Variants in ATCAY observed in about 807,000 individuals in gnomAD.
ATCAY encodes caytaxin.
Under a neutral mutation model 47.7 loss-of-function variants are expected in ATCAY, and 22 were observed. That is an observed-to-expected ratio of 0.46 (90% CI 0.33 to 0.66). The LOEUF is 0.66. ATCAY is among the 30% of genes least tolerant of loss of function. The pLI, the probability that ATCAY is intolerant of heterozygous loss-of-function variation, is 0.02. For missense variants in ATCAY, 452 were observed against 515.0 expected, an observed-to-expected ratio of 0.88 and a Z score of 1.18; for synonymous variants, 216 against 207.6, an observed-to-expected ratio of 1.04 and a Z score of -0.35.
intron 8 of ATCAY, among the ~76,000 whole-genome samples, chr19:3,912,697 T>A (rs1031038539): frequency 6.6e-6 from 1 of 151,530 alleles, no homozygotes; most frequent in Non-Finnish European, 1.5e-5. Flanking sequence ...CTGGGCAACA[T>A]AGCAAGACCT....
intron 12 of ATCAY, 156 bp downstream of exon 12, chr19:3,920,954 T>G: frequency 1.2e-6 from 1 of 847,918 alleles, no homozygotes; most frequent in Non-Finnish European, 1.9e-6. Flanking sequence ...GCCCCATGAC[T>G]TATCGGGAGT....
chr19:3,913,741 C>T lies in ATCAY; in HGVS notation c.867-17C>T, dbSNP rs1287532785. ...TGGGTTGCATTTCAGACCTCTCCCT[C>T]CTTCTCCCCCCGCCAGCGTCAAGTT... On this transcript the variant is annotated splice_polypyrimidine_tract_variant and intron_variant, in intron 8 of 12. Coordinates refer to ENST00000450849, the MANE Select transcript of ATCAY (RefSeq NM_033064.5). The T allele has an allele frequency of 6.2e-7, 1 of 1,611,300 alleles. No individual in the cohort carries two copies. The highest frequency in any genetic ancestry group is 8.5e-7 in the Non-Finnish European group (1 of 1,178,096).
At chr19:3,885,451 G>A (rs1447725807) in intron 1 of ATCAY, among the ~76,000 whole-genome samples, 1 of 152,060 alleles carries the variant, frequency 6.6e-6, no homozygotes, top group African/African-American at 2.4e-5. Context: ...CTACTTGGGA[G>A]GCTGAGGCGG....
intron 3 of ATCAY, among the ~76,000 whole-genome samples, chr19:3,903,242 G>A (rs1473973655): frequency 3.9e-5 from 6 of 152,078 alleles, no homozygotes; most frequent in African/African-American, 1.4e-4. Context: ...CCAAAGTGCT[G>A]GGATTACGGG....
At chr19:3,884,589 C>T (rs966642396) in intron 1 of ATCAY, among the ~76,000 whole-genome samples, 1 of 152,082 alleles carries the variant, frequency 6.6e-6, no homozygotes, top group Non-Finnish European at 1.5e-5. Flanking sequence ...TAGTTGAGGT[C>T]CAAGGCACAA....
chr19:3,920,197 A>T (rs2039004307), intron 11 of ATCAY: 1 of 152,158 alleles, frequency 6.6e-6, no homozygotes, highest in South Asian at 2.1e-4. Context: ...TTTAAAAGTT[A>T]GCCAGGCATG....
At chr19:3,884,612 G>A (rs146496243) in intron 1 of ATCAY, among the ~76,000 whole-genome samples, 141 of 152,268 alleles carry the variant, frequency 9.3e-4, no homozygotes, top group African/African-American at 3.2e-3. Flanking sequence ...GGGAGGGTAA[G>A]TCTATCTGGG....
At chr19:3,912,013 G>A (rs192408662) in intron 8 of ATCAY, among the ~76,000 whole-genome samples, 5 of 152,282 alleles carry the variant, frequency 3.3e-5, no homozygotes, top group Admixed American at 2.0e-4. Context: ...CGGTAAACAC[G>A]CATTTCAGTC....
intron 2 of ATCAY, among the ~76,000 whole-genome samples, chr19:3,893,935 C>A (rs1167022880): frequency 6.6e-6 from 1 of 151,566 alleles, no homozygotes; most frequent in Admixed American, 6.6e-5. Flanking sequence ...GCTTTCTGAT[C>A]TGCCCTTGAA....
chr19:3,906,708 C>A (rs1359018893), intron 4 of ATCAY, among the ~76,000 whole-genome samples: 1 of 152,074 alleles, frequency 6.6e-6, no homozygotes, highest in Non-Finnish European at 1.5e-5. Flanking sequence ...AACAAACTGC[C>A]CTCGATGTAT....
Position 3,907,429 on chromosome 19 carries a change from A to G in ATCAY, c.359-305A>G, listed in dbSNP as rs2038871150. ...ATGCCCCGAGTATCCTCGTGGTTTG[A>G]TGAAGCAGATGCATTCACCAGCTCT... On this transcript the variant is annotated intron_variant, in intron 4 of 12. Coordinates refer to ENST00000450849, the MANE Select transcript of ATCAY (RefSeq NM_033064.5). The surrounding 1 kb of genome is among the most constrained non-coding windows in gnomAD (Gnocchi z 5.1). 6.6e-6 allele frequency among the ~76,000 whole-genome samples: 1 copy of G among 152,194 alleles called. No homozygotes were observed. Among genetic ancestry groups the G allele is most frequent in the African/African-American group, 2.4e-5 (1 of 41,446 alleles).
At chr19:3,887,924 T>C (rs2038677376) in intron 2 of ATCAY, among the ~76,000 whole-genome samples, 1 of 150,452 alleles carries the variant, frequency 6.6e-6, no homozygotes, top group Non-Finnish European at 1.5e-5. Flanking sequence ...CTGGCCGACA[T>C]AGTGAAACCC....
In ATCAY at chr19:3,910,787, T is replaced by C. The variant is rs768469974; in HGVS notation, c.780-16T>C. 2.5e-6 allele frequency: 4 copies of C among 1,613,858 alleles called. No individual in the cohort carries two copies. The East Asian group carries it at 6.7e-5, about 27-fold the overall frequency. The stretch of plus-strand genomic sequence containing the variant: ...GCCCCAGGAGCCCATCTTGCTTCCT[T>C]TGCGGCCCCACACAGGTTGCGGAAA... On this transcript the variant is annotated splice_polypyrimidine_tract_variant and intron_variant, in intron 7 of 12. Transcript: ENST00000450849.
chr19:3,918,921 G>T, intron 11 of ATCAY, 44 bp downstream of exon 11: 1 of 1,609,838 alleles, frequency 6.2e-7, no homozygotes, highest in Non-Finnish European at 8.5e-7. Flanking sequence ...ACAGTCACGG[G>T]AGGCTGCCTA....
intron 2 of ATCAY, 76 bp downstream of exon 2, chr19:3,885,920 G>A: frequency 4.1e-6 from 6 of 1,472,170 alleles, no homozygotes; most frequent in Admixed American, 2.0e-5. Context: ...GAGCGGCCCG[G>A]GTCTCTCTCT....
Position 3,905,519 on chromosome 19 carries a change from G to C in ATCAY, c.222G>C (p.Gln74His), listed in dbSNP as rs761102256. The C allele has an allele frequency of 8.7e-6, 14 of 1,614,006 alleles. No homozygotes were observed. The highest frequency in any genetic ancestry group is 1.2e-5 in the Non-Finnish European group (14 of 1,179,884). The part of the protein sequence containing the change: ...VAPEINISLD[Q>H]SEGSLLSDDF... ...CAGAGATCAACATTTCTCTGGATCA[G>C]AGTGAGGGGTCCCTGCTGTCCGATG... The change falls in exon 4 of 13, where the codon CAG (glutamine) becomes CAC (histidine). Residue 74 changes from glutamine to histidine, a missense_variant. Coordinates refer to ENST00000450849, the MANE Select transcript of ATCAY (RefSeq NM_033064.5).
chr19:3,905,756 A>C, intron 4 of ATCAY, 101 bp downstream of exon 4: 1 of 1,072,622 alleles, frequency 9.3e-7, no homozygotes, highest in Non-Finnish European at 1.3e-6. Context: ...CAAGTGGGGC[A>C]GGGGCTCTAA....
chr19:3,911,494 A>G (rs1344394887), intron 8 of ATCAY, among the ~76,000 whole-genome samples: 2 of 152,092 alleles, frequency 1.3e-5, no homozygotes, highest in African/African-American at 4.8e-5. Context: ...ACTGCACTCC[A>G]GCCTGGGAGA....
At position 3,905,650 on chromosome 19, in the gene ATCAY, G is replaced by T; in HGVS notation, c.353G>T (p.Trp118Leu). 6.2e-7 allele frequency: 1 copy of T among 1,613,140 alleles called. No individual in the cohort carries two copies. The highest frequency in any genetic ancestry group is 8.5e-7 in the Non-Finnish European group (1 of 1,179,646). ...CTGGGGAATGGCAACGAACTGGAGT[G>T]GGAAGGTAAAGTTCAGGGTCTCTCT... is the stretch of plus-strand genomic sequence containing the variant. ...EFLGNGNELE[W>L]EDDTPVATAK... Residue 118 changes from tryptophan to leucine, a missense_variant, in exon 4 of 13, where the codon TGG becomes TTG. Transcript: ENST00000450849.
Sources: gnomAD v4.1 joint callset for allele counts (sites outside exome capture counted in the v4.1 genomes callset) on GRCh38, gnomAD v4.1.1 for gene constraint, Gnocchi (gnomAD v3.1) non-coding constraint, MANE v1.5 for transcripts, NCBI Gene and HGNC (gene_info 2026-07-23, HGNC 2026-07-21) for gene names.